The following FAM220A variants were observed in gnomAD, a reference collection of about 807,000 sequenced individuals.
FAM220A encodes protein FAM220A.
For synonymous variants in FAM220A, 141 were observed against 130.7 expected (o/e 1.08, Z -0.54); for missense variants, 392 against 321.6 (o/e 1.22, Z -1.68).
intron 1 of FAM220A, among the ~76,000 whole-genome samples, chr7:6,337,097 T>C (rs1781763121): frequency 6.8e-6 from 1 of 148,050 alleles, no homozygotes; most frequent in Non-Finnish European, 1.5e-5. Context: ...GAGACAAGAG[T>C]CTCTCTCTGT....
In FAM220A at chr7:6,331,224, C is replaced by G. The variant is rs528569674; in HGVS notation, c.-70G>C. 6.9e-7 allele frequency: 1 copy of G among 1,459,136 alleles called. No individual in the cohort carries two copies. Among genetic ancestry groups the G allele is most frequent in the East Asian group, 2.3e-5 (1 of 43,708 alleles). The allele number at this position is 1,459,136 out of a possible 1,614,324, so 90.4% of individuals were successfully genotyped here. ...CAGTCTGGGAGGGCCTTCAATGGAT[C>G]TCAATATGAACCTAGGAAAGGGAAT... On this transcript the variant is annotated 5_prime_UTR_variant, in exon 2 of 2. Transcript: ENST00000313324.
intron 1 of FAM220A, among the ~76,000 whole-genome samples, chr7:6,334,873 A>AT (rs1781714492): frequency 6.6e-6 from 1 of 151,858 alleles, no homozygotes; most frequent in Non-Finnish European, 1.5e-5. Flanking sequence ...GGTTCAAGTG[A>AT]TTCTCCTGCC....
chr7:6,331,737 G>A (rs1225117806), intron 1 of FAM220A, among the ~76,000 whole-genome samples: 1 of 128,532 alleles, frequency 7.8e-6, no homozygotes, highest in Non-Finnish European at 1.5e-5. Context: ...AATAATAGAG[G>A]CTTTTTTTTT....
intron 1 of FAM220A, among the ~76,000 whole-genome samples, chr7:6,332,062 A>C (rs138183784): frequency 0.013 from 2,011 of 150,802 alleles, 42 homozygotes; most frequent in African/African-American, 0.047. Context: ...CTGTGAGCCG[A>C]GATCATGCCA....
intron 1 of FAM220A, among the ~76,000 whole-genome samples, chr7:6,335,228 AT>A (rs147049665): frequency 8.0e-4 from 117 of 145,648 alleles, no homozygotes; most frequent in Non-Finnish European, 9.4e-4. Flanking sequence ...ATGCCCAGCT[AT>A]TTTTTTTTTT....
Position 6,343,015 on chromosome 7 carries a change from T to TA in FAM220A, c.-82+5557_-82+5558insT, listed in dbSNP as rs1390947834. 7.1e-5 allele frequency among the ~76,000 whole-genome samples: 10 copies of TA among 140,280 alleles called. No homozygotes were observed. The South Asian group carries it at 9.1e-4, about 13-fold the overall frequency. 92.0% of individuals were successfully genotyped at this position (140,280 alleles called of 152,430 possible). On this transcript the variant is annotated intron_variant, in intron 1 of 1. Transcript: ENST00000313324. Reference sequence around the variant, plus strand: ...TCGCACCACTGCACTCCAGCCTGGATGACAGAGGAAGACGCTTTCTCAAAA... The same window carrying TA: ...TCGCACCACTGCACTCCAGCCTGGATAGACAGAGGAAGACGCTTTCTCAAAA...
intron 1 of FAM220A, among the ~76,000 whole-genome samples, chr7:6,348,034 C>T (rs1781989145): frequency 6.6e-6 from 1 of 151,572 alleles, no homozygotes; most frequent in Non-Finnish European, 1.5e-5. Context: ...CCTCAGCCTC[C>T]CGAGTAGCTG....
chr7:6,347,079 T>C (rs1450466849), intron 1 of FAM220A, among the ~76,000 whole-genome samples: 2 of 152,094 alleles, frequency 1.3e-5, no homozygotes, highest in Admixed American at 6.6e-5. Flanking sequence ...GTAATCCTAG[T>C]GCTTTGGGAG....
chr7:6,333,992 A>G (rs7787515), intron 1 of FAM220A, among the ~76,000 whole-genome samples: 13,638 of 150,508 alleles, frequency 0.091, 1,188 homozygotes, highest in East Asian at 0.48. Context: ...GACTACAGGC[A>G]CCCGCCACCA....
At chr7:6,334,037 G>A (rs971006251) in intron 1 of FAM220A, among the ~76,000 whole-genome samples, 7 of 150,848 alleles carry the variant, frequency 4.6e-5, no homozygotes, top group Non-Finnish European at 8.9e-5. Flanking sequence ...TAGTAGAGAT[G>A]GGGTTTCACC....
intron 1 of FAM220A, among the ~76,000 whole-genome samples, chr7:6,343,206 G>A (rs141461790): frequency 6.6e-5 from 10 of 150,790 alleles, no homozygotes; most frequent in African/African-American, 1.5e-4. Context: ...GTGAAGCCCC[G>A]TCTCTACTAA....
intron 1 of FAM220A, among the ~76,000 whole-genome samples, chr7:6,337,703 A>G (rs1042486061): frequency 3.3e-5 from 5 of 151,816 alleles, no homozygotes; most frequent in African/African-American, 1.2e-4. Context: ...GTATTCAATC[A>G]TGATAGAATA....
intron 1 of FAM220A, among the ~76,000 whole-genome samples, chr7:6,340,695 C>G (rs527611487): frequency 4.6e-5 from 7 of 151,512 alleles, no homozygotes; most frequent in South Asian, 2.1e-4. Flanking sequence ...GTCAGGAGAT[C>G]GAGACCATCC....
chr7:6,342,446 G>A (rs901500834), intron 1 of FAM220A, among the ~76,000 whole-genome samples: 4 of 152,050 alleles, frequency 2.6e-5, no homozygotes, highest in African/African-American at 9.7e-5. Context: ...TCGGGAGGCA[G>A]GAGAATCACT....
intron 1 of FAM220A, among the ~76,000 whole-genome samples, chr7:6,346,712 G>C (rs1185423548): frequency 1.3e-5 from 2 of 152,088 alleles, no homozygotes; most frequent in East Asian, 3.8e-4. Context: ...ATCAACAGCC[G>C]GTGTTAGGTT....
In FAM220A at chr7:6,330,804, C is replaced by T. The variant is rs749139073; in HGVS notation, c.351G>A (p.Val117=). The T allele has an allele frequency of 6.2e-7, 1 of 1,614,094 alleles. No individual in the cohort carries two copies. The highest frequency in any genetic ancestry group is 8.5e-7 in the Non-Finnish European group (1 of 1,180,052). Residue 117 remains valine (V), a synonymous_variant, in exon 2 of 2, where the codon GTG becomes GTA. Transcript: ENST00000313324. ...FPAPTECFAR[V]SCSGVEALGR... ...CCAGAGCTTCAACACCACTGCAGGA[C>T]ACCCGAGCAAAACACTCTGTTGGAG...
chr7:6,339,860 G>A (rs1022759875), intron 1 of FAM220A, among the ~76,000 whole-genome samples: 2 of 151,672 alleles, frequency 1.3e-5, no homozygotes, highest in African/African-American at 4.8e-5. Context: ...AGTGTGCAGA[G>A]GCCGGGTGCC....
chr7:6,334,405 G>C (rs1322365793), intron 1 of FAM220A, among the ~76,000 whole-genome samples: 1 of 151,686 alleles, frequency 6.6e-6, no homozygotes, highest in Non-Finnish European at 1.5e-5. Flanking sequence ...GCATGGTGGA[G>C]CATGCCTGTA....
intron 1 of FAM220A, among the ~76,000 whole-genome samples, chr7:6,343,087 A>C (rs915839814): frequency 3.3e-5 from 5 of 151,174 alleles, no homozygotes; most frequent in Non-Finnish European, 7.4e-5. Flanking sequence ...AAAAGAAAAG[A>C]AAAAATTGGC....
Sources: allele counts gnomAD v4.1 joint callset (sites outside exome capture counted in the v4.1 genomes callset), GRCh38; gene constraint gnomAD v4.1.1; transcripts MANE v1.5; gene names NCBI Gene and HGNC (gene_info 2026-07-23, HGNC 2026-07-21).